The following FRMD4A variants were observed in gnomAD, a reference collection of about 807,000 sequenced individuals.
The protein encoded by FRMD4A is FERM domain-containing protein 4A.
A neutral mutation model predicts 129.1 loss-of-function variants in FRMD4A; 29 were observed. The ratio of observed to expected loss-of-function variants is 0.22; its 90% CI spans 0.17 to 0.31. FRMD4A has a LOEUF of 0.31. FRMD4A is among the 10% of genes least tolerant of loss of function. FRMD4A has a pLI of 1.00. For missense variants in FRMD4A, 1,272 were observed against 1,375.8 expected (o/e 0.92, Z 1.19); for synonymous variants, 634 against 571.6 (o/e 1.11, Z -1.56).
intron 2 of FRMD4A, among the ~76,000 whole-genome samples, chr10:13,943,373 G>A (rs987267815): frequency 1.2e-4 from 19 of 152,108 alleles, no homozygotes; most frequent in African/African-American, 4.6e-4. Flanking sequence ...ACATCGGCCA[G>A]GTGCGGTGAT....
At chr10:13,779,038 G>C (rs1267728452) in intron 6 of FRMD4A, among the ~76,000 whole-genome samples, 1 of 152,124 alleles carries the variant, frequency 6.6e-6, no homozygotes, top group East Asian at 1.9e-4. Context: ...AAAAGAATTG[G>C]CTGGGTGTGG....
At chr10:14,010,197 G>A (rs2095676561) in intron 2 of FRMD4A, among the ~76,000 whole-genome samples, 1 of 152,160 alleles carries the variant, frequency 6.6e-6, no homozygotes, top group Non-Finnish European at 1.5e-5. Flanking sequence ...GCCCCGGGGA[G>A]CTGAATTTAT....
chr10:14,005,823 C>A (rs2095660236), intron 2 of FRMD4A, among the ~76,000 whole-genome samples: 2 of 152,186 alleles, frequency 1.3e-5, no homozygotes, highest in African/African-American at 2.4e-5. Flanking sequence ...CCTGTTTATA[C>A]AGGACAAGGG....
chr10:14,135,180 A>G, intron 2 of FRMD4A, among the ~76,000 whole-genome samples: 1 of 152,234 alleles, frequency 6.6e-6, no homozygotes, highest in African/African-American at 2.4e-5. Flanking sequence ...CAAACTTAAT[A>G]TGGCCTGAGA....
At chr10:14,091,665 C>T (rs1337574344) in intron 2 of FRMD4A, among the ~76,000 whole-genome samples, 5 of 152,232 alleles carry the variant, frequency 3.3e-5, no homozygotes, top group Non-Finnish European at 7.3e-5. Flanking sequence ...GATCTCTTGA[C>T]CTCATGATCC....
intron 2 of FRMD4A, among the ~76,000 whole-genome samples, chr10:14,189,927 C>T (rs1294185927): frequency 1.3e-5 from 2 of 152,206 alleles, no homozygotes; most frequent in Admixed American, 6.5e-5. Flanking sequence ...TTCTATCTAT[C>T]TTAATTATGC....
chr10:13,869,838 A>G (rs2094419373), intron 2 of FRMD4A, among the ~76,000 whole-genome samples: 1 of 152,204 alleles, frequency 6.6e-6, no homozygotes, highest in Non-Finnish European at 1.5e-5. Context: ...CCGGAAATAC[A>G]CACAATTAGG....
At chr10:13,857,165 T>A (rs2094224799) in intron 3 of FRMD4A, among the ~76,000 whole-genome samples, 1 of 152,220 alleles carries the variant, frequency 6.6e-6, no homozygotes, top group Admixed American at 6.5e-5. Context: ...AGGGATATGT[T>A]AATCACAGCA....
intron 2 of FRMD4A, among the ~76,000 whole-genome samples, chr10:14,328,835 T>C (rs1564468951): frequency 6.6e-6 from 1 of 152,144 alleles, no homozygotes; most frequent in East Asian, 1.9e-4. Flanking sequence ...GGATAAAGTA[T>C]CATCAGACGA....
intron 2 of FRMD4A, among the ~76,000 whole-genome samples, chr10:14,132,756 A>C (rs948769078): frequency 1.3e-5 from 2 of 152,236 alleles, no homozygotes; most frequent in African/African-American, 4.8e-5. Flanking sequence ...TGGGGCTCCC[A>C]CGCAGGCCCA....
At chr10:13,895,478 C>T (rs1028313030) in intron 2 of FRMD4A, among the ~76,000 whole-genome samples, 6 of 151,994 alleles carry the variant, frequency 3.9e-5, no homozygotes, top group African/African-American at 1.5e-4. Context: ...TCACTGTATC[C>T]CCACAACCAG....
intron 13 of FRMD4A, among the ~76,000 whole-genome samples, chr10:13,703,567 C>T (rs542237766): frequency 6.6e-6 from 1 of 152,320 alleles, no homozygotes; most frequent in East Asian, 1.9e-4. Flanking sequence ...TACTGCAGTT[C>T]TGACTGCCTT....
chr10:13,666,290 G>A lies in FRMD4A; in HGVS notation c.1410C>T (p.Ala470=), dbSNP rs1275477168. The stretch of plus-strand genomic sequence containing the variant: ...CGGCCTCCGTAATCTGGGACTGAAT[G>A]GCAAACTCTCGTTCCAGGCGTTCCA... ...AELERLEREF[A]IQSQITEAAR... is the part of the protein sequence containing the mutation. Residue 470 remains alanine (A), a synonymous_variant, in exon 18 of 25, where the codon GCC becomes GCT. Coordinates refer to ENST00000357447, the MANE Select transcript of FRMD4A (RefSeq NM_018027.5). The A allele has an allele frequency of 6.2e-7, 1 of 1,614,052 alleles. No homozygotes were observed. Among genetic ancestry groups the A allele is most frequent in the Non-Finnish European group, 8.5e-7 (1 of 1,179,918 alleles).
intron 2 of FRMD4A, among the ~76,000 whole-genome samples, chr10:14,134,607 G>A (rs141830502): frequency 0.012 from 1,762 of 151,364 alleles, 37 homozygotes; most frequent in African/African-American, 0.038. Context: ...TAGATGGATG[G>A]ATAAATGAGG....
At chr10:14,308,048 C>T (rs1461048659) in intron 2 of FRMD4A, among the ~76,000 whole-genome samples, 1 of 152,186 alleles carries the variant, frequency 6.6e-6, no homozygotes, top group African/African-American at 2.4e-5. Context: ...GAATTGACAA[C>T]TACAATAAAG....
At chr10:13,861,048 T>C (rs1237975510) in intron 2 of FRMD4A, among the ~76,000 whole-genome samples, 1 of 152,146 alleles carries the variant, frequency 6.6e-6, no homozygotes, top group Non-Finnish European at 1.5e-5. Flanking sequence ...TCTCTGCAAA[T>C]GGAAGCAGGT....
chr10:13,935,521 T>C (rs2095242036), intron 2 of FRMD4A, among the ~76,000 whole-genome samples: 1 of 137,834 alleles, frequency 7.3e-6, no homozygotes, highest in Admixed American at 7.3e-5. Context: ...CCCAGGACAA[T>C]CTGCCAATCT....
At chr10:13,814,679 GAA>G (rs2093511549) in intron 3 of FRMD4A, among the ~76,000 whole-genome samples, 1 of 145,236 alleles carries the variant, frequency 6.9e-6, no homozygotes, top group African/African-American at 2.5e-5. Context: ...GCAAGAGAAA[GAA>G]AGAGAGAGAG....
chr10:14,284,717 A>G (rs996492016), intron 2 of FRMD4A, among the ~76,000 whole-genome samples: 2 of 152,242 alleles, frequency 1.3e-5, no homozygotes, highest in African/African-American at 2.4e-5. Flanking sequence ...GCAATAAAAT[A>G]TAAGTGTAGT....
Sources: gnomAD v4.1 joint callset for allele counts (sites outside exome capture counted in the v4.1 genomes callset) on GRCh38, gnomAD v4.1.1 for gene constraint, MANE v1.5 for transcripts, NCBI Gene and HGNC (gene_info 2026-07-23, HGNC 2026-07-21) for gene names.